Variants in CEP128 observed in about 807,000 individuals in gnomAD.
CEP128 encodes the protein centrosomal protein 128kDa.
Under a neutral mutation model 156.7 loss-of-function variants are expected in CEP128, and 132 were observed. The observed-to-expected ratio is 0.84, with a 90% CI of 0.73 to 0.97. The LOEUF is 0.97. Ranked by LOEUF, CEP128 falls within the 50% of genes least tolerant of loss-of-function variation. The pLI, the probability that CEP128 is intolerant of heterozygous loss-of-function variation, is 0.00. For synonymous variants in CEP128, 469 were observed against 448.9 expected (o/e 1.04, Z -0.57); for missense variants, 1,252 against 1,281.9 (o/e 0.98, Z 0.36).
chr14:80,935,710 C>T lies in CEP128; in HGVS notation c.-16+3675G>A, dbSNP rs981507078. Among the ~76,000 whole-genome samples, 14 of 116,652 alleles carry T rather than the reference C, an allele frequency of 1.2e-4. No homozygotes were observed. The South Asian group carries it at 3.3e-3, about 27-fold the overall frequency. The allele number at this position is 116,652 out of a possible 152,430, so 76.5% of individuals were successfully genotyped here. A position where few individuals can be genotyped will look rare whatever the true frequency, so the allele number is the denominator to read the frequency against. On this transcript the variant is annotated intron_variant, in intron 2 of 24. Coordinates refer to ENST00000555265, the MANE Select transcript of CEP128 (RefSeq NM_152446.5). ...TAGCTTAAGTGAAACAGAAATTAAT[C>T]GTTTTTAAAGAATACAATAATGATG...
chr14:80,881,177 G>C (rs1004314186), intron 8 of CEP128, among the ~76,000 whole-genome samples: 1 of 151,840 alleles, frequency 6.6e-6, no homozygotes, highest in Non-Finnish European at 1.5e-5. Context: ...CAAACCTTTA[G>C]TCAAACTAAG....
intron 13 of CEP128, among the ~76,000 whole-genome samples, chr14:80,796,589 A>C (rs375457649): frequency 3.3e-5 from 5 of 151,968 alleles, no homozygotes; most frequent in Admixed American, 6.6e-5. Flanking sequence ...CTATCTTCTT[A>C]TTCTTCTTCT....
intron 16 of CEP128, among the ~76,000 whole-genome samples, chr14:80,762,035 G>C (rs533790595): frequency 6.6e-6 from 1 of 151,970 alleles, no homozygotes; most frequent in Admixed American, 6.6e-5. Flanking sequence ...TTCTTCATTT[G>C]AGGAAAAAAA....
intron 19 of CEP128, among the ~76,000 whole-genome samples, chr14:80,702,564 A>T (rs1897110160): frequency 6.6e-6 from 1 of 152,188 alleles, no homozygotes; most frequent in Admixed American, 6.6e-5. Context: ...ATACTATTCA[A>T]TCACTTTACA....
At chr14:80,684,573 A>G (rs577302621) in intron 19 of CEP128, among the ~76,000 whole-genome samples, 5 of 151,924 alleles carry the variant, frequency 3.3e-5, no homozygotes, top group Non-Finnish European at 5.9e-5. Flanking sequence ...AAGGAGGAGT[A>G]ACTCCTTCCT....
chr14:80,626,193 G>A (rs1033013090), intron 19 of CEP128, among the ~76,000 whole-genome samples: 13 of 151,930 alleles, frequency 8.6e-5, no homozygotes, highest in Admixed American at 4.6e-4. Context: ...GGCCGGGCGC[G>A]GTGGCTCACG....
At chr14:80,511,983 G>A in intron 23 of CEP128, among the ~76,000 whole-genome samples, 1 of 151,914 alleles carries the variant, frequency 6.6e-6, no homozygotes, top group Non-Finnish European at 1.5e-5. Flanking sequence ...GAACTGTTTT[G>A]TGCCAAAACA....
At chr14:80,696,955 T>C (rs534148963) in intron 19 of CEP128, among the ~76,000 whole-genome samples, 2 of 152,182 alleles carry the variant, frequency 1.3e-5, no homozygotes, top group East Asian at 3.9e-4. Context: ...GTATTAAGAA[T>C]ATGAGTGTAA....
At chr14:80,915,315 C>T (rs1884486130) in intron 3 of CEP128, among the ~76,000 whole-genome samples, 1 of 152,212 alleles carries the variant, frequency 6.6e-6, no homozygotes, top group South Asian at 2.1e-4. Flanking sequence ...AGCCACCATG[C>T]CCAGCCCATT....
At chr14:80,693,556 A>T (rs1216195344) in intron 19 of CEP128, among the ~76,000 whole-genome samples, 1 of 152,210 alleles carries the variant, frequency 6.6e-6, no homozygotes, top group African/African-American at 2.4e-5. Context: ...GCTTGAAAAA[A>T]TAAGTCATCA....
intron 19 of CEP128, among the ~76,000 whole-genome samples, chr14:80,666,261 A>C (rs1895607709): frequency 6.6e-6 from 1 of 152,240 alleles, no homozygotes; most frequent in Admixed American, 6.5e-5. Context: ...CACTGGAAGA[A>C]GAAACAAAGA....
In CEP128 at chr14:80,481,067, C is replaced by T. The variant is rs1410309204; in HGVS notation, c.*311-2660G>A. ...TGCCTGTTACCCAGTTCCAAAGTCG[C>T]TTCCACATTTTCGGGTATGTTTTCA... On this transcript the variant is annotated intron_variant and NMD_transcript_variant, in intron 14 of 14. Transcript: ENST00000554502. Among the ~76,000 whole-genome samples the T allele has an allele frequency of 2.0e-5, 3 of 152,192 alleles. No individual in the cohort carries two copies. In the East Asian group the frequency reaches 5.8e-4, roughly 29 times the overall value.
intron 20 of CEP128, among the ~76,000 whole-genome samples, chr14:80,576,194 C>G (rs930802701): frequency 3.3e-5 from 5 of 152,116 alleles, no homozygotes; most frequent in African/African-American, 1.2e-4. Context: ...GGTGTCAAGT[C>G]ACTGAATGCA....
At chr14:80,899,705 C>T (rs1883419181) in intron 7 of CEP128, among the ~76,000 whole-genome samples, 1 of 152,158 alleles carries the variant, frequency 6.6e-6, no homozygotes, top group Admixed American at 6.5e-5. Flanking sequence ...ATAATATCAG[C>T]ATTCCATTGT....
chr14:80,835,111 C>T (rs1270078226), intron 12 of CEP128, among the ~76,000 whole-genome samples: 1 of 152,082 alleles, frequency 6.6e-6, no homozygotes. Context: ...AACGCCAGGA[C>T]ATCCCTTGAA....
intron 21 of CEP128, among the ~76,000 whole-genome samples, chr14:80,558,450 G>A (rs1202654695): frequency 2.0e-5 from 3 of 151,972 alleles, no homozygotes; most frequent in South Asian, 4.1e-4. Flanking sequence ...CACCACACCC[G>A]GCTAATTTTT....
chr14:80,853,708 G>C (rs1887009655), intron 9 of CEP128, among the ~76,000 whole-genome samples: 1 of 151,770 alleles, frequency 6.6e-6, no homozygotes, highest in South Asian at 2.1e-4. Context: ...ATTTTTCATG[G>C]AATAGGACAA....
intron 16 of CEP128, among the ~76,000 whole-genome samples, 190 bp from the exon 17 acceptor site, chr14:80,761,803 T>C (rs1899985707): frequency 1.3e-5 from 2 of 152,080 alleles, no homozygotes; most frequent in African/African-American, 4.8e-5. Flanking sequence ...AGTTCCATCG[T>C]AGGGCAGTTT....
intron 19 of CEP128, among the ~76,000 whole-genome samples, chr14:80,726,327 A>G (rs907328953): frequency 2.6e-5 from 4 of 152,212 alleles, no homozygotes; most frequent in Admixed American, 6.5e-5. Flanking sequence ...TGAAAGACAG[A>G]AGGCAAGATC....
Sources: gnomAD v4.1 joint callset for allele counts (sites outside exome capture counted in the v4.1 genomes callset) on GRCh38, gnomAD v4.1.1 for gene constraint, MANE v1.5 for transcripts, NCBI Gene and HGNC (gene_info 2026-07-23, HGNC 2026-07-21) for gene names.